Variants in PEAK1 observed in about 807,000 individuals in gnomAD.
The protein encoded by PEAK1 is inactive tyrosine-protein kinase PEAK1.
PEAK1 carries 54 observed loss-of-function variants against 124.7 expected under a neutral mutation model. The ratio of observed to expected loss-of-function variants is 0.43; its 90% CI spans 0.35 to 0.54. PEAK1 has a LOEUF of 0.54. PEAK1 is among the 20% of genes least tolerant of loss of function. The probability of loss-of-function intolerance (pLI) is 0.01; values close to 1 mark genes in which losing one functional copy is unlikely to be tolerated. For missense variants in PEAK1, 2,046 were observed against 2,134.5 expected (o/e 0.96, Z 0.82); for synonymous variants, 719 against 760.0 (o/e 0.95, Z 0.89).
intron 5 of PEAK1, among the ~76,000 whole-genome samples, chr15:77,269,829 C>T (rs926939832): frequency 2.0e-5 from 3 of 152,150 alleles, no homozygotes; most frequent in Admixed American, 1.3e-4. Flanking sequence ...ACTCCATCTA[C>T]ACACTGCTTT....
chr15:77,331,814 C>T (rs920367553), intron 2 of PEAK1, among the ~76,000 whole-genome samples: 2 of 151,802 alleles, frequency 1.3e-5, no homozygotes, highest in Non-Finnish European at 1.5e-5. Flanking sequence ...GACAGGGTCT[C>T]ACCATATTGG....
At chr15:77,396,793 A>G (rs373303094) in intron 1 of PEAK1, among the ~76,000 whole-genome samples, 2 of 152,218 alleles carry the variant, frequency 1.3e-5, no homozygotes, top group South Asian at 2.1e-4. Flanking sequence ...AGAGCTAAAG[A>G]GCAAGCGAGC....
chr15:77,404,398 C>T lies in PEAK1; in HGVS notation c.-666+15608G>A, dbSNP rs920975157. ...TGCAGCCAGTCTGAAGTGAAATGTG[C>T]TTTAAGTGGAAAATATACATTGGAT... On this transcript the variant is annotated intron_variant, in intron 1 of 9. Transcript: ENST00000682557. 8 of 893,480 alleles carry T rather than the reference C, an allele frequency of 9.0e-6. No homozygotes were observed. The African/African-American group carries it at 1.5e-4, about 16-fold the overall frequency. 55.3% of individuals were successfully genotyped at this position (893,480 alleles called of 1,614,324 possible).
At chr15:77,186,823 G>C (rs1001173589) in intron 6 of PEAK1, among the ~76,000 whole-genome samples, 1 of 152,186 alleles carries the variant, frequency 6.6e-6, no homozygotes, top group Admixed American at 6.5e-5. Flanking sequence ...CATAGAGGGG[G>C]AATCTGTACC....
chr15:77,312,397 C>T (rs1428565397), intron 2 of PEAK1, among the ~76,000 whole-genome samples: 1 of 152,168 alleles, frequency 6.6e-6, no homozygotes, highest in Non-Finnish European at 1.5e-5. Flanking sequence ...TTTCTTTGTG[C>T]TCCATTTTAT....
At chr15:77,121,019 A>G (rs879607142) in intron 9 of PEAK1, among the ~76,000 whole-genome samples, 2 of 152,210 alleles carry the variant, frequency 1.3e-5, no homozygotes, top group East Asian at 1.9e-4. Flanking sequence ...TATCTTGTAC[A>G]TATCTCTATT....
intron 9 of PEAK1, among the ~76,000 whole-genome samples, chr15:77,121,955 G>A (rs1048505520): frequency 6.6e-6 from 1 of 152,084 alleles, no homozygotes; most frequent in African/African-American, 2.4e-5. Flanking sequence ...ATGAAACCCT[G>A]CAACTTCTAA....
chr15:77,257,125 A>C lies in PEAK1; in HGVS notation c.-274-4599T>G, dbSNP rs532692588. 4.6e-5 allele frequency among the ~76,000 whole-genome samples: 7 copies of C among 152,202 alleles called. No homozygotes were observed. In the East Asian group the frequency reaches 1.4e-3, roughly 29 times the overall value. ...TCACATTTTCTTAATCCAGTCTATC[A>C]TTGATGGACATTTGGGTTGGTTCCA... On this transcript the variant is annotated intron_variant, in intron 5 of 9. Coordinates refer to ENST00000682557, the MANE Select transcript of PEAK1 (RefSeq NM_001385026.1).
chr15:77,243,393 A>C (rs977226652), intron 6 of PEAK1, among the ~76,000 whole-genome samples: 1 of 152,192 alleles, frequency 6.6e-6, no homozygotes, highest in African/African-American at 2.4e-5. Flanking sequence ...TTTCCTCATA[A>C]AACACAGCCA....
At chr15:77,310,530 C>G (rs1357810497) in intron 2 of PEAK1, among the ~76,000 whole-genome samples, 1 of 152,140 alleles carries the variant, frequency 6.6e-6, no homozygotes, top group Non-Finnish European at 1.5e-5. Context: ...AAGTAGTTTG[C>G]ACCATGAAGT....
At chr15:77,336,670 ATATACCTC>A (rs2066220057) in intron 2 of PEAK1, 1 of 383,940 alleles carries the variant, frequency 2.6e-6, no homozygotes, top group Admixed American at 6.4e-5. Context: ...ATTCTTGATT[ATATACCTC>A]TATAAAATAA....
intron 8 of PEAK1, chr15:77,156,903 T>G (rs2055205533): frequency 6.6e-6 from 1 of 152,216 alleles, no homozygotes; most frequent in Admixed American, 6.5e-5. Flanking sequence ...ATAAGCTGTT[T>G]GATGATAAAA....
At chr15:77,220,558 A>T (rs1295917242) in intron 6 of PEAK1, among the ~76,000 whole-genome samples, 1 of 151,514 alleles carries the variant, frequency 6.6e-6, no homozygotes, top group African/African-American at 2.4e-5. Flanking sequence ...CCAGTTAATC[A>T]TCTATCAAAC....
At chr15:77,309,496 G>A (rs1488883937) in intron 2 of PEAK1, among the ~76,000 whole-genome samples, 1 of 151,972 alleles carries the variant, frequency 6.6e-6, no homozygotes, top group African/African-American at 2.4e-5. Context: ...GTTGCAAAAT[G>A]CTGAATACAT....
chr15:77,209,076 C>T (rs1014861601), intron 6 of PEAK1, among the ~76,000 whole-genome samples: 2 of 152,022 alleles, frequency 1.3e-5, no homozygotes, highest in African/African-American at 4.8e-5. Flanking sequence ...TACTTACTGG[C>T]ATAATGGAAA....
intron 9 of PEAK1, among the ~76,000 whole-genome samples, chr15:77,120,099 G>C (rs913741808): frequency 4.6e-5 from 7 of 152,194 alleles, no homozygotes; most frequent in African/African-American, 1.7e-4. Context: ...GAATTAATCT[G>C]TCGTTGAATG....
chr15:77,224,935 C>T (rs1333723486), intron 6 of PEAK1, among the ~76,000 whole-genome samples: 1 of 151,852 alleles, frequency 6.6e-6, no homozygotes, highest in East Asian at 1.9e-4. Flanking sequence ...CTGGTGGTCT[C>T]CTATCTAATG....
At chr15:77,176,871 T>G (rs1256005514) in intron 7 of PEAK1, among the ~76,000 whole-genome samples, 2 of 152,220 alleles carry the variant, frequency 1.3e-5, no homozygotes, top group Non-Finnish European at 2.9e-5. Flanking sequence ...AATGACACCA[T>G]GTAAGAACTG....
chr15:77,115,238 T>C lies in PEAK1; in HGVS notation c.4159A>G (p.Ile1387Val), dbSNP rs375257162. 2 of 1,614,144 alleles carry C rather than the reference T, an allele frequency of 1.2e-6. No homozygotes were observed. Among genetic ancestry groups the C allele is most frequent in the African/African-American group, 1.3e-5 (1 of 75,040 alleles). ...VRQSLAVHFN[I>V]QQDCGHFLAE... ...AGGAAATGACCACAGTCCTGCTGAA[T>C]GTTAAAATGGACAGCCAGACTCTGC... The change falls in exon 10 of 10, where the codon ATT (isoleucine) becomes GTT (valine). Residue 1387 changes from isoleucine to valine, a missense_variant. Ile to Val is a conservative substitution (Grantham distance 29). Transcript: ENST00000682557.
Sources: allele counts gnomAD v4.1 joint callset (sites outside exome capture counted in the v4.1 genomes callset), GRCh38; gene constraint gnomAD v4.1.1; transcripts MANE v1.5; gene names NCBI Gene and HGNC (gene_info 2026-07-23, HGNC 2026-07-21).